The following ZHX3 variants were observed in gnomAD, a reference collection of about 807,000 sequenced individuals.
ZHX3 encodes zinc fingers and homeoboxes protein 3.
Under a neutral mutation model 64.5 loss-of-function variants are expected in ZHX3, and 20 were observed. The observed-to-expected ratio is 0.31, with a 90% CI of 0.22 to 0.45. ZHX3 has a LOEUF of 0.45. ZHX3 is among the 20% of genes least tolerant of loss of function. ZHX3 has a pLI of 1.00. For missense variants in ZHX3, 1,041 were observed against 1,195.8 expected, an observed-to-expected ratio of 0.87 and a Z score of 1.91; for synonymous variants, 423 against 461.6, an observed-to-expected ratio of 0.92 and a Z score of 1.07.
At chr20:41,231,814 C>A (rs2040623067) in intron 2 of ZHX3, among the ~76,000 whole-genome samples, 1 of 152,170 alleles carries the variant, frequency 6.6e-6, no homozygotes, top group African/African-American at 2.4e-5. Flanking sequence ...GTGTAAAATT[C>A]TATCAGCCAA....
At chr20:41,247,988 T>C (rs1335130966) in intron 2 of ZHX3, among the ~76,000 whole-genome samples, 1 of 152,202 alleles carries the variant, frequency 6.6e-6, no homozygotes, top group Non-Finnish European at 1.5e-5. Flanking sequence ...CCTAACTGTT[T>C]CAGGTGGCAT....
intron 2 of ZHX3, among the ~76,000 whole-genome samples, chr20:41,234,277 C>T (rs1024647801): frequency 6.6e-6 from 1 of 152,192 alleles, no homozygotes; most frequent in Non-Finnish European, 1.5e-5. Context: ...ACACTCAGCA[C>T]ATATGAAGCA....
intron 1 of ZHX3, among the ~76,000 whole-genome samples, chr20:41,293,027 C>T (rs757696365): frequency 5.3e-5 from 8 of 152,170 alleles, no homozygotes; most frequent in Non-Finnish European, 7.3e-5. Flanking sequence ...AGATGGGAGA[C>T]GCACGTTTGA....
intron 1 of ZHX3, among the ~76,000 whole-genome samples, chr20:41,270,357 C>T (rs561660021): frequency 3.0e-5 from 3 of 99,870 alleles, no homozygotes; most frequent in South Asian, 4.0e-4. Flanking sequence ...GCCTGGGCAA[C>T]AGAGCGAAAC....
At chr20:41,256,380 A>T (rs1379424496) in intron 2 of ZHX3, among the ~76,000 whole-genome samples, 2 of 151,938 alleles carry the variant, frequency 1.3e-5, no homozygotes, top group Non-Finnish European at 2.9e-5. Context: ...ATTTTTTTAT[A>T]TTCATTAAGA....
intron 2 of ZHX3, among the ~76,000 whole-genome samples, chr20:41,258,449 G>C (rs576099300): frequency 6.6e-6 from 1 of 152,068 alleles, no homozygotes; most frequent in Admixed American, 6.5e-5. Flanking sequence ...CAGAATCCCC[G>C]CTGTATTTAG....
intron 1 of ZHX3, among the ~76,000 whole-genome samples, chr20:41,279,706 A>G (rs1193057933): frequency 1.3e-5 from 2 of 152,246 alleles, no homozygotes; most frequent in Non-Finnish European, 2.9e-5. Context: ...AGACACCATC[A>G]GAATAGCATG....
rs528954886 is a variant in ZHX3, at chr20:41,311,563, G to A, written c.-245+5946C>T. On this transcript the variant is annotated intron_variant, in intron 1 of 3. Coordinates refer to ENST00000683867, the MANE Select transcript of ZHX3 (RefSeq NM_001384317.1). The stretch of plus-strand genomic sequence containing the variant: ...CTTAGAAAAACAAGAGAAACCATCA[G>A]GGATTAATATTGCAGCATATTTCAT... Among the ~76,000 whole-genome samples the A allele has an allele frequency of 4.6e-5, 7 of 152,286 alleles. No homozygotes were observed. In the East Asian group the frequency reaches 1.3e-3, roughly 29 times the overall value.
intron 1 of ZHX3, among the ~76,000 whole-genome samples, chr20:41,282,588 G>A (rs2043743850): frequency 6.6e-6 from 1 of 152,100 alleles, no homozygotes; most frequent in Non-Finnish European, 1.5e-5. Context: ...TCGAACTCCT[G>A]ACCTTGTGAT....
At chr20:41,191,805 TAG>T (rs2037043511) in intron 3 of ZHX3, among the ~76,000 whole-genome samples, 1 of 152,166 alleles carries the variant, frequency 6.6e-6, no homozygotes, top group African/African-American at 2.4e-5. Flanking sequence ...AGTGGCTGAG[TAG>T]TTACTAGTGG....
intron 3 of ZHX3, among the ~76,000 whole-genome samples, chr20:41,196,436 A>AT (rs1568796564): frequency 2.4e-3 from 13 of 5,518 alleles, no homozygotes; most frequent in Admixed American, 0.011. Context: ...TTATATAAAT[A>AT]TATATATTAT....
chr20:41,315,875 GT>G (rs977873362), intron 1 of ZHX3, among the ~76,000 whole-genome samples: 1 of 151,096 alleles, frequency 6.6e-6, no homozygotes, highest in Non-Finnish European at 1.5e-5. Context: ...GTTTTGTTTT[GT>G]TTGCAATGCT....
At chr20:41,189,572 G>C (rs1045280974) in intron 3 of ZHX3, among the ~76,000 whole-genome samples, 2 of 152,084 alleles carry the variant, frequency 1.3e-5, no homozygotes, top group African/African-American at 2.4e-5. Context: ...TTATTCGTAA[G>C]TATCTTTTTT....
At chr20:41,244,380 CA>C (rs2041565933) in intron 2 of ZHX3, among the ~76,000 whole-genome samples, 1 of 152,156 alleles carries the variant, frequency 6.6e-6, no homozygotes, top group Non-Finnish European at 1.5e-5. Flanking sequence ...TACCTTAAAG[CA>C]AACGGAGGGT....
chr20:41,308,552 C>G (rs964638401), intron 1 of ZHX3, among the ~76,000 whole-genome samples: 2 of 152,166 alleles, frequency 1.3e-5, no homozygotes, highest in African/African-American at 4.8e-5. Context: ...GTATGATAAA[C>G]CAGGTGGTAT....
chr20:41,266,597 G>A (rs1217616941), intron 2 of ZHX3, among the ~76,000 whole-genome samples: 1 of 150,390 alleles, frequency 6.6e-6, no homozygotes, highest in Non-Finnish European at 1.5e-5. Flanking sequence ...CCAGGCTGGA[G>A]TGCAGTGGTG....
chr20:41,252,888 G>T (rs1344936224), intron 2 of ZHX3, among the ~76,000 whole-genome samples: 2 of 152,202 alleles, frequency 1.3e-5, no homozygotes, highest in Non-Finnish European at 2.9e-5. Flanking sequence ...TCTGTTATAT[G>T]TAAGATGCCT....
In ZHX3 at chr20:41,212,743, G is replaced by C. The variant is rs1268619605; in HGVS notation, c.-150-7677C>G. 6.6e-6 allele frequency among the ~76,000 whole-genome samples: 1 copy of C among 151,436 alleles called. No individual in the cohort carries two copies. Among genetic ancestry groups the C allele is most frequent in the Non-Finnish European group, 1.5e-5 (1 of 67,962 alleles). ...ACCTGGGAGGCGGAGGTTGCAGTGA[G>C]CCAAGATCATGCCATTGTACTCCAG... is the stretch of plus-strand genomic sequence containing the variant. On this transcript the variant is annotated intron_variant, in intron 2 of 3. Transcript: ENST00000683867. The surrounding 1 kb of genome is among the most constrained non-coding windows in gnomAD (Gnocchi z 4.3).
At chr20:41,271,231 G>T (rs1282464898) in intron 1 of ZHX3, among the ~76,000 whole-genome samples, 3 of 152,120 alleles carry the variant, frequency 2.0e-5, no homozygotes, top group South Asian at 2.1e-4. Context: ...ATGTTGGCCA[G>T]ATGGTCTCGA....
Sources: allele counts gnomAD v4.1 joint callset (sites outside exome capture counted in the v4.1 genomes callset), GRCh38; gene constraint gnomAD v4.1.1; non-coding constraint Gnocchi (gnomAD v3.1); transcripts MANE v1.5; gene names NCBI Gene and HGNC (gene_info 2026-07-23, HGNC 2026-07-21).